VPS33A: variants seen among roughly 807,000 people sequenced by gnomAD.
VPS33A encodes VPS33A core subunit of CORVET and HOPS complexes, also known as vacuolar protein sorting-associated protein 33A.
VPS33A carries 32 observed loss-of-function variants against 71.8 expected under a neutral mutation model. The ratio of observed to expected loss-of-function variants is 0.45; its 90% CI spans 0.34 to 0.60. The LOEUF (loss-of-function observed/expected upper bound fraction) is 0.60, where lower values mean the gene tolerates loss of function less well. Ranked by LOEUF, VPS33A falls within the 20% of genes least tolerant of loss-of-function variation. The pLI, the probability that VPS33A is intolerant of heterozygous loss-of-function variation, is 0.02. For missense variants in VPS33A, 625 were observed against 748.5 expected, an observed-to-expected ratio of 0.84 and a Z score of 1.92; for synonymous variants, 311 against 292.7, an observed-to-expected ratio of 1.06 and a Z score of -0.64.
chr12:122,247,418 C>T (rs1954790137), intron 6 of VPS33A, among the ~76,000 whole-genome samples: 1 of 151,984 alleles, frequency 6.6e-6, no homozygotes, highest in African/African-American at 2.4e-5. Context: ...TCTTTGATTT[C>T]CACCCACAAC....
At position 122,249,923 on chromosome 12, in the gene VPS33A, G is replaced by A. The variant is rs750140260; in HGVS notation, c.723C>T (p.Ala241=). The change falls in exon 6 of 13, where the codon GCC becomes GCT. Residue 241 remains alanine, a synonymous_variant. Coordinates refer to ENST00000267199, the MANE Select transcript of VPS33A (RefSeq NM_022916.6). ...DRNVDLLTPL[A]TQLTYEGLID... ...TGAGTCCTTCATATGTCAGCTGAGT[G>A]GCAAGAGGTGTTAATAAATCCACAT... 1.2e-6 allele frequency: 2 copies of A among 1,613,936 alleles called. No homozygotes were observed. Among genetic ancestry groups the A allele is most frequent in the East Asian group, 2.2e-5 (1 of 44,890 alleles).
chr12:122,244,691 C>T lies in VPS33A; in HGVS notation c.847G>A (p.Glu283Lys), dbSNP rs1393870791. The T allele has an allele frequency of 1.9e-6, 3 of 1,614,154 alleles. No individual in the cohort carries two copies. Among genetic ancestry groups the T allele is most frequent in the Non-Finnish European group, 2.5e-6 (3 of 1,180,036 alleles). The change falls in exon 7 of 13, where the codon GAA (glutamate) becomes AAA (lysine). Residue 283 changes from glutamate to lysine, a missense_variant. By Grantham distance (56) the Glu-to-Lys change is moderately conservative. Coordinates refer to ENST00000267199, the MANE Select transcript of VPS33A (RefSeq NM_022916.6). ...GAATTCAGCTGCAGCTTCTTTGCTT[C>T]CGTGGGGAGGTCCTTACCACCATCG... ...QGDGGKDLPTEAKKLQLNSAE... is the reference protein window; with the variant it reads ...QGDGGKDLPTKAKKLQLNSAE...
intron 6 of VPS33A, among the ~76,000 whole-genome samples, chr12:122,245,496 T>C (rs1280938274): frequency 6.7e-6 from 1 of 148,974 alleles, no homozygotes; most frequent in Non-Finnish European, 1.5e-5. Flanking sequence ...CAGGCTGGAG[T>C]GCAATGGCAC....
Position 122,251,073 on chromosome 12 carries a change from C to T in VPS33A, c.510G>A (p.Thr170=), listed in dbSNP as rs1954837519. Residue 170 remains threonine, a synonymous_variant, in exon 5 of 13, where the codon ACG becomes ACA. Coordinates refer to ENST00000267199, the MANE Select transcript of VPS33A (RefSeq NM_022916.6). ...FKECYLEGDQ[T]SLYHAAKGLM... ...GCCCCTTGGCTGCGTGGTACAGGCTCGTCTGGTCACCCTCCAGGTAGCACT... is the reference window on the plus strand; with the variant it reads ...GCCCCTTGGCTGCGTGGTACAGGCTTGTCTGGTCACCCTCCAGGTAGCACT... 3 of 1,613,890 alleles carry T rather than the reference C, an allele frequency of 1.9e-6. No individual in the cohort carries two copies. Among genetic ancestry groups the T allele is most frequent in the African/African-American group, 1.3e-5 (1 of 75,038 alleles).
At chr12:122,253,369 ATGG>A (rs1954870398) in intron 4 of VPS33A, 1 of 152,574 alleles carries the variant, frequency 6.6e-6, no homozygotes, top group Non-Finnish European at 1.5e-5. Flanking sequence ...CCTGACCAAA[ATGG>A]TGAAACCCCT....
chr12:122,261,626 T>G (rs1954996605), intron 3 of VPS33A, among the ~76,000 whole-genome samples, 179 bp from the exon 4 acceptor site: 1 of 152,146 alleles, frequency 6.6e-6, no homozygotes. Context: ...CTCAGCACTT[T>G]GGGAGGCCAA....
chr12:122,239,778 A>AAAAAAAG, intron 9 of VPS33A, 100 bp downstream of exon 9: 1 of 596,984 alleles, frequency 1.7e-6, no homozygotes, highest in Non-Finnish European at 2.8e-6. Flanking sequence ...AAAAAAAAAA[A>AAAAAAAG]AGGCAAGGCA....
intron 6 of VPS33A, among the ~76,000 whole-genome samples, chr12:122,246,272 ATCTC>A (rs933488052): frequency 3.3e-5 from 5 of 150,598 alleles, no homozygotes; most frequent in Non-Finnish European, 5.9e-5. Flanking sequence ...AGGTGGGAGG[ATCTC>A]TCTCTCTCTC....
chr12:122,261,076 T>C (rs1954986953), intron 4 of VPS33A, among the ~76,000 whole-genome samples, 185 bp downstream of exon 4: 2 of 152,126 alleles, frequency 1.3e-5, no homozygotes, highest in Non-Finnish European at 2.9e-5. Flanking sequence ...ATCCAGAATA[T>C]ACAAAGAATT....
chr12:122,262,177 T>C (rs956547176), intron 3 of VPS33A, among the ~76,000 whole-genome samples: 1 of 151,858 alleles, frequency 6.6e-6, no homozygotes, highest in African/African-American at 2.4e-5. Flanking sequence ...GGCAACAGAG[T>C]GAGACTGTGT....
At chr12:122,239,779 A>AAAAAAAAAAAT in intron 9 of VPS33A, 99 bp downstream of exon 9, 5 of 507,352 alleles carry the variant, frequency 9.9e-6, no homozygotes, top group East Asian at 4.2e-5. Flanking sequence ...AAAAAAAAAA[A>AAAAAAAAAAAT]GGCAAGGCAT....
intron 8 of VPS33A, among the ~76,000 whole-genome samples, chr12:122,241,606 T>TC (rs1314216786): frequency 1.4e-5 from 2 of 145,626 alleles, no homozygotes; most frequent in East Asian, 4.0e-4. Context: ...CGCCCAGTCT[T>TC]TTTTTTTTTT....
chr12:122,244,284 T>C (rs1954749485), intron 7 of VPS33A, among the ~76,000 whole-genome samples: 1 of 152,218 alleles, frequency 6.6e-6, no homozygotes, highest in South Asian at 2.1e-4. Flanking sequence ...TAGGAAATAA[T>C]TTAAGACGAT....
chr12:122,266,294 T>A lies in VPS33A; in HGVS notation c.102+13A>T, dbSNP rs766226614. The A allele has an allele frequency of 6.2e-7, 1 of 1,608,470 alleles. No individual in the cohort carries two copies. The highest frequency in any genetic ancestry group is 8.5e-7 in the Non-Finnish European group (1 of 1,179,564). Reference sequence around the variant, plus strand: ...GGGAGGCGAGGGCGGTGTCGCTGCCTCCCGCCCCTCACCTTGCTTCCTGCG... The same window carrying A: ...GGGAGGCGAGGGCGGTGTCGCTGCCACCCGCCCCTCACCTTGCTTCCTGCG... On this transcript the variant is annotated intron_variant, in intron 1 of 12. Coordinates refer to ENST00000267199, the MANE Select transcript of VPS33A (RefSeq NM_022916.6).
intron 9 of VPS33A, among the ~76,000 whole-genome samples, chr12:122,239,607 G>A (rs542563510): frequency 7.9e-5 from 12 of 151,958 alleles, no homozygotes; most frequent in Non-Finnish European, 1.2e-4. Context: ...GGTGGTGAGC[G>A]CCTGTAGTCC....
rs757738399 is a variant in VPS33A, at chr12:122,245,443, G to GTT, written c.776-683_776-682dup. ...GAGGACCAAACTCTGTTCACGTTCT[G>GTT]TTTTTTTTTTTTTTTTTGAGACGGA... On this transcript the variant is annotated intron_variant, in intron 6 of 12. Transcript: ENST00000267199. Among the ~76,000 whole-genome samples, 976 of 133,180 alleles carry GTT rather than the reference G, an allele frequency of 7.3e-3. 9 individuals are homozygous for GTT. Among genetic ancestry groups the GTT allele is most frequent in the South Asian group, 0.018 (73 of 4,170 alleles). 87.4% of individuals were successfully genotyped at this position (133,180 alleles called of 152,430 possible).
At chr12:122,233,089 C>G in intron 11 of VPS33A, 121 bp from the exon 12 acceptor site, 1 of 1,105,118 alleles carries the variant, frequency 9.0e-7, no homozygotes. Flanking sequence ...ACCCCCACCC[C>G]TGCCATGCCT....
intron 4 of VPS33A, chr12:122,253,596 C>T (rs1311033676): frequency 1.3e-5 from 2 of 152,884 alleles, no homozygotes; most frequent in African/African-American, 4.9e-5. Flanking sequence ...CTCCAAATAG[C>T]ATTCATATTT....
chr12:122,262,158 T>G (rs976409161), intron 3 of VPS33A, among the ~76,000 whole-genome samples: 7 of 152,172 alleles, frequency 4.6e-5, no homozygotes, highest in Non-Finnish European at 1.0e-4. Flanking sequence ...ACCACTGCAC[T>G]CCAGCCTGGG....
Sources: gnomAD v4.1 joint callset for allele counts (sites outside exome capture counted in the v4.1 genomes callset) on GRCh38, gnomAD v4.1.1 for gene constraint, MANE v1.5 for transcripts, NCBI Gene and HGNC (gene_info 2026-07-23, HGNC 2026-07-21) for gene names.